The following MFHAS1 variants were observed in gnomAD, a reference collection of about 807,000 sequenced individuals.
The protein encoded by MFHAS1 is malignant fibrous histiocytoma-amplified sequence 1.
Under a neutral mutation model 70.4 loss-of-function variants are expected in MFHAS1, and 50 were observed. The observed-to-expected ratio is 0.71, with a 90% confidence interval of 0.57 to 0.90. MFHAS1 has a LOEUF of 0.90. Among genes scored for constraint, MFHAS1 ranks in the 40% least tolerant of loss-of-function variants. MFHAS1 has a pLI of 0.00. For synonymous variants in MFHAS1, 952 were observed against 620.0 expected, an observed-to-expected ratio of 1.54 and a Z score of -7.96; for missense variants, 1,795 against 1,347.6, an observed-to-expected ratio of 1.33 and a Z score of -5.20.
chr8:8,865,215 T>G (rs1237851584), intron 1 of MFHAS1, among the ~76,000 whole-genome samples: 1 of 139,356 alleles, frequency 7.2e-6, no homozygotes, highest in Non-Finnish European at 1.5e-5. Context: ...AGCTGGAGGT[T>G]GCAGTAAGCC....
chr8:8,795,753 G>A (rs186345320), intron 2 of MFHAS1, among the ~76,000 whole-genome samples: 56 of 152,318 alleles, frequency 3.7e-4, no homozygotes, highest in African/African-American at 1.3e-3. Context: ...GGGGTGAGAT[G>A]GATGCCTGTC....
intron 2 of MFHAS1, among the ~76,000 whole-genome samples, chr8:8,793,918 T>C (rs1395579711): frequency 6.6e-6 from 1 of 152,218 alleles, no homozygotes; most frequent in Non-Finnish European, 1.5e-5. Context: ...CTGGGCACGG[T>C]GGCTCATGCC....
Position 8,892,307 on chromosome 8 carries a change from C to G in MFHAS1, c.752G>C (p.Ser251Thr), listed in dbSNP as rs767618231. ...TLPAGFCELA[S>T]LESLMLDNNG... is the part of the protein sequence containing the mutation. ...GTTGTCTAGCATGAGGCTCTCCAAA[C>G]TGGCCAGCTCGCAGAAGCCGGCGGG... is the stretch of plus-strand genomic sequence containing the variant. Residue 251 changes from serine to threonine, a missense_variant, in exon 1 of 3, where the codon AGT (serine) becomes ACT (threonine). Transcript: ENST00000276282. The surrounding 1 kb of genome is among the most constrained non-coding windows in gnomAD (Gnocchi z 4.7). 14 of 1,612,356 alleles carry G rather than the reference C, an allele frequency of 8.7e-6. No homozygotes were observed. The South Asian group carries it at 1.4e-4, about 16-fold the overall frequency.
intron 1 of MFHAS1, among the ~76,000 whole-genome samples, chr8:8,828,101 T>C (rs1285962904): frequency 6.6e-6 from 1 of 152,178 alleles, no homozygotes; most frequent in Non-Finnish European, 1.5e-5. Flanking sequence ...AGCCTACATC[T>C]GCCAGGACTC....
chr8:8,808,459 A>T (rs1806417634), intron 1 of MFHAS1, among the ~76,000 whole-genome samples: 1 of 152,192 alleles, frequency 6.6e-6, no homozygotes, highest in Non-Finnish European at 1.5e-5. Flanking sequence ...TAATGGCCCG[A>T]AAGTGTAAGA....
At chr8:8,802,811 T>C (rs1249450205) in intron 1 of MFHAS1, among the ~76,000 whole-genome samples, 2 of 152,122 alleles carry the variant, frequency 1.3e-5, no homozygotes, top group African/African-American at 2.4e-5. Context: ...TACAGAACTT[T>C]CTGGGAAACA....
At chr8:8,843,135 G>A (rs1302970869) in intron 1 of MFHAS1, among the ~76,000 whole-genome samples, 4 of 152,136 alleles carry the variant, frequency 2.6e-5, no homozygotes, top group Non-Finnish European at 5.9e-5. Flanking sequence ...CGGGCGCGGT[G>A]GCGGGCGCCT....
intron 1 of MFHAS1, among the ~76,000 whole-genome samples, chr8:8,806,059 T>C (rs537441505): frequency 6.6e-6 from 1 of 152,342 alleles, no homozygotes; most frequent in South Asian, 2.1e-4. Flanking sequence ...TCCAATCCTC[T>C]GTAGCATTGT....
intron 2 of MFHAS1, among the ~76,000 whole-genome samples, chr8:8,793,530 G>A (rs1447755932): frequency 6.6e-6 from 1 of 152,212 alleles, no homozygotes; most frequent in East Asian, 1.9e-4. Context: ...GTCTACCTGG[G>A]AGCTTTCTCT....
intron 1 of MFHAS1, among the ~76,000 whole-genome samples, chr8:8,827,627 C>G (rs760988288): frequency 1.3e-5 from 2 of 152,202 alleles, no homozygotes; most frequent in Non-Finnish European, 2.9e-5. Context: ...GGAATTAGCT[C>G]TGACACATAG....
intron 1 of MFHAS1, among the ~76,000 whole-genome samples, chr8:8,817,340 T>C (rs181194685): frequency 2.0e-5 from 3 of 152,306 alleles, no homozygotes; most frequent in East Asian, 3.9e-4. Context: ...TTAATTGACG[T>C]CCATTTGTAT....
intron 1 of MFHAS1, among the ~76,000 whole-genome samples, chr8:8,815,487 T>A (rs1008838781): frequency 6.6e-6 from 1 of 152,182 alleles, no homozygotes; most frequent in Non-Finnish European, 1.5e-5. Context: ...CCACCAACAG[T>A]GTAAAAGCAT....
intron 2 of MFHAS1, among the ~76,000 whole-genome samples, chr8:8,791,330 A>C (rs1008601394): frequency 6.6e-6 from 1 of 152,208 alleles, no homozygotes; most frequent in African/African-American, 2.4e-5. Context: ...CAGTCCATTA[A>C]GAAACCACAT....
At chr8:8,859,251 G>A (rs1373225563) in intron 1 of MFHAS1, among the ~76,000 whole-genome samples, 1 of 152,176 alleles carries the variant, frequency 6.6e-6, no homozygotes, top group South Asian at 2.1e-4. Flanking sequence ...GGCTGAGGCA[G>A]GAGAATCACT....
chr8:8,840,565 G>A (rs919954353), intron 1 of MFHAS1, among the ~76,000 whole-genome samples: 12 of 151,508 alleles, frequency 7.9e-5, no homozygotes, highest in South Asian at 2.1e-4. Flanking sequence ...TCATGGACCC[G>A]ACCCGGTAAT....
At chr8:8,792,418 T>C (rs11987904) in intron 2 of MFHAS1, among the ~76,000 whole-genome samples, 47,456 of 151,986 alleles carry the variant, frequency 0.31, 8,473 homozygotes, top group African/African-American at 0.47. Flanking sequence ...CTGGTCAACA[T>C]GGTGAAACTC....
chr8:8,845,335 T>C (rs1490708062), intron 1 of MFHAS1, among the ~76,000 whole-genome samples: 1 of 152,256 alleles, frequency 6.6e-6, no homozygotes, highest in Non-Finnish European at 1.5e-5. Context: ...AAGATTACAA[T>C]TGATGTATCT....
chr8:8,843,263 G>A (rs1308554559), intron 1 of MFHAS1, among the ~76,000 whole-genome samples: 2 of 128,126 alleles, frequency 1.6e-5, no homozygotes, highest in Admixed American at 7.7e-5. Flanking sequence ...GCGACAGAGC[G>A]AGACTCCGTC....
chr8:8,871,947 C>T (rs1585064011), intron 1 of MFHAS1, among the ~76,000 whole-genome samples: 1 of 152,324 alleles, frequency 6.6e-6, no homozygotes, highest in East Asian at 1.9e-4. Context: ...TGTCACCCTA[C>T]CTAGGAAACC....
Sources: gnomAD v4.1 joint callset for allele counts (sites outside exome capture counted in the v4.1 genomes callset) on GRCh38, gnomAD v4.1.1 for gene constraint, Gnocchi (gnomAD v3.1) non-coding constraint, MANE v1.5 for transcripts, NCBI Gene and HGNC (gene_info 2026-07-23, HGNC 2026-07-21) for gene names.